The following CACNG2 variants were observed in gnomAD, a reference collection of about 807,000 sequenced individuals.
CACNG2 encodes the protein calcium voltage-gated channel auxiliary subunit gamma 2.
Under a neutral mutation model 25.9 loss-of-function variants are expected in CACNG2, and 3 were observed. The ratio of observed to expected loss-of-function variants is 0.12; its 90% CI spans 0.05 to 0.30. The LOEUF (loss-of-function observed/expected upper bound fraction) is 0.30, where lower values mean the gene tolerates loss of function less well. Among genes scored for constraint, CACNG2 ranks in the 10% least tolerant of loss-of-function variants. The probability of loss-of-function intolerance (pLI) is 1.00; values close to 1 mark genes in which losing one functional copy is unlikely to be tolerated. For synonymous variants in CACNG2, 167 were observed against 173.3 expected (o/e 0.96, Z 0.29); for missense variants, 341 against 432.5 (o/e 0.79, Z 1.88).
At chr22:36,581,636 C>T (rs1196242780) in intron 2 of CACNG2, among the ~76,000 whole-genome samples, 2 of 152,166 alleles carry the variant, frequency 1.3e-5, no homozygotes, top group Admixed American at 1.3e-4. Flanking sequence ...CCTGCTCAGC[C>T]CCCTTTCCTG....
At position 36,695,436 on chromosome 22, in the gene CACNG2, ACCACTTCCACTTGCCCCTCCC is replaced by A. The variant is rs1490492110; in HGVS notation, c.211+6909_211+6929del. On this transcript the variant is annotated intron_variant, in intron 1 of 3. Coordinates refer to ENST00000300105, the MANE Select transcript of CACNG2 (RefSeq NM_006078.5). ...GACTAACAAAGCCCTTTGGGTCCTGACCACTTCCACTTGCCCCTCCCACCCCATCCAGCATCACCACCCTGC... is the reference window on the plus strand; with the variant it reads ...GACTAACAAAGCCCTTTGGGTCCTGAACCCCATCCAGCATCACCACCCTGC... 1.3e-4 allele frequency among the ~76,000 whole-genome samples: 20 copies of A among 152,008 alleles called. 1 individual carries two copies. The highest frequency in any genetic ancestry group is 3.9e-4 in the Admixed American group (6 of 15,272).
chr22:36,696,750 T>G (rs1360452671), intron 1 of CACNG2, among the ~76,000 whole-genome samples: 1 of 152,186 alleles, frequency 6.6e-6, no homozygotes, highest in African/African-American at 2.4e-5. Flanking sequence ...AGGTGGAGGT[T>G]GTTGATTGCA....
chr22:36,647,719 G>A (rs779709133), intron 1 of CACNG2, among the ~76,000 whole-genome samples: 6 of 152,178 alleles, frequency 3.9e-5, no homozygotes, highest in Non-Finnish European at 8.8e-5. Flanking sequence ...ACACCCTGTT[G>A]CCTCTGGCTG....
At chr22:36,687,939 C>A (rs1390601660) in intron 1 of CACNG2, among the ~76,000 whole-genome samples, 1 of 152,166 alleles carries the variant, frequency 6.6e-6, no homozygotes. Context: ...TTGGTTCTAG[C>A]CCAGTGAGAC....
chr22:36,618,868 C>T (rs866519053), intron 1 of CACNG2, among the ~76,000 whole-genome samples: 11 of 151,894 alleles, frequency 7.2e-5, no homozygotes, highest in African/African-American at 1.2e-4. Context: ...TGCAGTGAGC[C>T]GAGATGGCAC....
At chr22:36,644,260 T>C (rs1176873700) in intron 1 of CACNG2, among the ~76,000 whole-genome samples, 1 of 152,232 alleles carries the variant, frequency 6.6e-6, no homozygotes, top group Non-Finnish European at 1.5e-5. Context: ...CTGAAAATCC[T>C]ACACCTAATT....
At chr22:36,671,797 G>A (rs1936954658) in intron 1 of CACNG2, among the ~76,000 whole-genome samples, 1 of 152,172 alleles carries the variant, frequency 6.6e-6, no homozygotes, top group Non-Finnish European at 1.5e-5. Context: ...CTCTGTGGCA[G>A]AGCTTTCACC....
rs550951452 is a variant in CACNG2 at position 36,582,958 on chromosome 22, G to C, written c.295+4507C>G. On this transcript the variant is annotated intron_variant, in intron 2 of 3. Transcript: ENST00000300105. ...TTGCTCACACTTACAAGTGAAGGAA[G>C]ACGCTACATCTGTTTCATGGACCTT... is the stretch of plus-strand genomic sequence containing the variant. Among the ~76,000 whole-genome samples, 11 of 152,128 alleles carry C rather than the reference G, an allele frequency of 7.2e-5. No homozygotes were observed. The East Asian group carries it at 2.1e-3, about 29-fold the overall frequency.
At chr22:36,654,333 A>G (rs1936673247) in intron 1 of CACNG2, among the ~76,000 whole-genome samples, 2 of 152,180 alleles carry the variant, frequency 1.3e-5, no homozygotes, top group South Asian at 4.1e-4. Flanking sequence ...TGGCTTGATC[A>G]CAGCTCACTG....
At chr22:36,586,457 C>A (rs1935504089) in intron 2 of CACNG2, among the ~76,000 whole-genome samples, 1 of 152,252 alleles carries the variant, frequency 6.6e-6, no homozygotes, top group Admixed American at 6.5e-5. Context: ...CCTCTTTCTT[C>A]CCAGCTGCCT....
intron 1 of CACNG2, among the ~76,000 whole-genome samples, chr22:36,653,355 A>T (rs1317866621): frequency 2.2e-5 from 3 of 139,090 alleles, no homozygotes; most frequent in Admixed American, 2.0e-4. Flanking sequence ...AAAACGGATG[A>T]GTTGCTAACA....
intron 1 of CACNG2, among the ~76,000 whole-genome samples, chr22:36,637,036 A>G (rs1165637355): frequency 6.6e-6 from 1 of 152,202 alleles, no homozygotes; most frequent in Non-Finnish European, 1.5e-5. Flanking sequence ...GGGCGTTAAC[A>G]TCATAATTGG....
intron 1 of CACNG2, among the ~76,000 whole-genome samples, chr22:36,655,026 G>A (rs1178741630): frequency 1.3e-5 from 2 of 152,056 alleles, no homozygotes; most frequent in South Asian, 4.2e-4. Context: ...TGATTTGGGA[G>A]GGGGGAAAAC....
intron 1 of CACNG2, among the ~76,000 whole-genome samples, chr22:36,635,794 C>A (rs1357577594): frequency 6.6e-6 from 1 of 152,192 alleles, no homozygotes; most frequent in African/African-American, 2.4e-5. Flanking sequence ...CCAATGTGGT[C>A]TTTTCCCAGC....
intron 1 of CACNG2, among the ~76,000 whole-genome samples, chr22:36,590,129 C>T (rs1328780635): frequency 1.3e-5 from 2 of 152,142 alleles, no homozygotes; most frequent in Non-Finnish European, 2.9e-5. Context: ...TCCTGTTCCC[C>T]GCAGGAACAG....
chr22:36,689,131 C>T (rs1937238185), intron 1 of CACNG2, among the ~76,000 whole-genome samples: 1 of 152,118 alleles, frequency 6.6e-6, no homozygotes, highest in South Asian at 2.1e-4. Context: ...TTTACTTGTG[C>T]CTTCATCAAG....
Position 36,625,623 on chromosome 22 carries a change from T to C in CACNG2, c.212-38075A>G, listed in dbSNP as rs540135670. 2.6e-5 allele frequency among the ~76,000 whole-genome samples: 4 copies of C among 152,294 alleles called. No individual in the cohort carries two copies. The East Asian group carries it at 5.8e-4, about 22-fold the overall frequency. On this transcript the variant is annotated intron_variant, in intron 1 of 3. Transcript: ENST00000300105. ...ATCATCACCGATGATAGCAGCTAAT[T>C]TGGGTTTTTAAAAGGAAACTGTATT...
At chr22:36,586,150 C>T (rs1397333229) in intron 2 of CACNG2, among the ~76,000 whole-genome samples, 1 of 152,244 alleles carries the variant, frequency 6.6e-6, no homozygotes, top group Non-Finnish European at 1.5e-5. Flanking sequence ...TTTCCAAGGG[C>T]CCTCCCTGCC....
chr22:36,568,301 C>G (rs1381731090), intron 2 of CACNG2, among the ~76,000 whole-genome samples: 1 of 152,084 alleles, frequency 6.6e-6, no homozygotes, highest in Non-Finnish European at 1.5e-5. Context: ...TCCCCATCCC[C>G]GTCCCCACCC....
Sources: gnomAD v4.1 joint callset for allele counts (sites outside exome capture counted in the v4.1 genomes callset) on GRCh38, gnomAD v4.1.1 for gene constraint, MANE v1.5 for transcripts, NCBI Gene and HGNC (gene_info 2026-07-23, HGNC 2026-07-21) for gene names.